Variants in ACYP2 observed in about 807,000 individuals in gnomAD.
The protein encoded by ACYP2 is acylphosphatase-2.
ACYP2 carries 12 observed loss-of-function variants against 11.2 expected under a neutral mutation model. That is an observed-to-expected ratio of 1.08 (90% confidence interval 0.69 to 1.74). The LOEUF (loss-of-function observed/expected upper bound fraction) is 1.74. Among genes scored for constraint, ACYP2 ranks in the 40% most tolerant of loss-of-function variants. The probability of loss-of-function intolerance (pLI) is 0.00; values close to 1 mark genes in which losing one functional copy is unlikely to be tolerated. For missense variants in ACYP2, 134 were observed against 101.9 expected, an observed-to-expected ratio of 1.31 and a Z score of -1.35; for synonymous variants, 43 against 32.2, an observed-to-expected ratio of 1.33 and a Z score of -1.13.
intron 6 of ACYP2, among the ~76,000 whole-genome samples, chr2:54,281,412 T>A (rs1034007090): frequency 1.3e-5 from 2 of 152,228 alleles, no homozygotes; most frequent in Non-Finnish European, 2.9e-5. Context: ...TACAGATGTC[T>A]CTGTCAGTAG....
chr2:54,219,869 G>GTATATAGA lies in ACYP2; in HGVS notation c.404+81122_404+81123insATATAGAT, dbSNP rs1170235862. The stretch of plus-strand genomic sequence containing the variant: ...TGTGTGTATATAGATGTGTGTGTGT[G>GTATATAGA]TGTGTGTGTGTGTATATATATATAT... On this transcript the variant is annotated intron_variant, in intron 6 of 6. Coordinates refer to ENST00000607452, the MANE Select transcript of ACYP2 (RefSeq NM_001320586.2). Among the ~76,000 whole-genome samples the GTATATAGA allele has an allele frequency of 7.4e-5, 4 of 54,048 alleles. No individual in the cohort carries two copies. In the South Asian group the frequency reaches 4.4e-3, roughly 60 times the overall value. 35.5% of individuals were successfully genotyped at this position (54,048 alleles called of 152,430 possible).
intron 2 of ACYP2, among the ~76,000 whole-genome samples, chr2:53,993,120 C>T (rs908466361): frequency 3.9e-5 from 6 of 152,094 alleles, no homozygotes; most frequent in Non-Finnish European, 4.4e-5. Context: ...GCACGAGAAT[C>T]GCTTGAACCC....
chr2:54,077,549 C>A (rs1677411311), intron 4 of ACYP2, among the ~76,000 whole-genome samples: 2 of 152,188 alleles, frequency 1.3e-5, no homozygotes, highest in Non-Finnish European at 2.9e-5. Context: ...AAGGGCAAGA[C>A]AGCCAGTACA....
Position 54,102,638 on chromosome 2 carries a change from C to CAAAAAAAAAAAAAAAAAAAAAAAAAA in ACYP2, c.278-32804_278-32779dup, listed in dbSNP as rs58842257. ...AAACCCAATTTAAGCTGGCTTAAGC[C>CAAAAAAAAAAAAAAAAAAAAAAAAAA]AAAAAAAAAAAAAAAAAAAAAAAAA... On this transcript the variant is annotated intron_variant, in intron 4 of 6. Coordinates refer to ENST00000607452, the MANE Select transcript of ACYP2 (RefSeq NM_001320586.2). 1.6e-4 allele frequency among the ~76,000 whole-genome samples: 13 copies of CAAAAAAAAAAAAAAAAAAAAAAAAAA among 83,304 alleles called. 4 individuals carry two copies. Among genetic ancestry groups the CAAAAAAAAAAAAAAAAAAAAAAAAAA allele is most frequent in the Non-Finnish European group, 2.8e-4 (12 of 43,296 alleles). 54.7% of individuals were successfully genotyped at this position (83,304 alleles called of 152,430 possible).
chr2:54,283,286 A>G (rs1287612932), intron 6 of ACYP2, among the ~76,000 whole-genome samples: 1 of 152,178 alleles, frequency 6.6e-6, no homozygotes, highest in Non-Finnish European at 1.5e-5. Context: ...ATTGTTACCA[A>G]GATCTTATAC....
chr2:54,158,770 C>T (rs933166487), intron 6 of ACYP2, among the ~76,000 whole-genome samples: 2 of 152,120 alleles, frequency 1.3e-5, no homozygotes, highest in African/African-American at 4.8e-5. Context: ...TTGCTCTCTT[C>T]TGTGCTTTTG....
Position 54,075,930 on chromosome 2 carries a change from CTTTT to C in ACYP2, c.277+18573_277+18576del, listed in dbSNP as rs1185364406. Among the ~76,000 whole-genome samples the C allele has an allele frequency of 2.0e-5, 3 of 152,048 alleles. No individual in the cohort carries two copies. The South Asian group carries it at 6.2e-4, about 32-fold the overall frequency. On this transcript the variant is annotated intron_variant, in intron 4 of 6. Transcript: ENST00000607452. ...ATATGTCACTCATATTGATATTTCT[CTTTT>C]TTATTAATCTTTATATTTTATGAGT...
intron 6 of ACYP2, among the ~76,000 whole-genome samples, chr2:54,204,210 G>C (rs575543829): frequency 6.6e-6 from 1 of 151,966 alleles, no homozygotes; most frequent in East Asian, 1.9e-4. Context: ...TATTGGCCAG[G>C]CTGGTCTCGA....
chr2:54,057,404 T>G (rs1676212163), intron 4 of ACYP2: 1 of 396,466 alleles, frequency 2.5e-6, no homozygotes, highest in Non-Finnish European at 4.5e-6. Flanking sequence ...ATATCTACCT[T>G]TTACAGTTCA....
chr2:54,304,598 A>T, intron 6 of ACYP2, 90 bp from the exon 4 acceptor site: 1 of 791,118 alleles, frequency 1.3e-6, no homozygotes, highest in Non-Finnish European at 2.0e-6. Context: ...AGTAAAGGTA[A>T]ACTCCCATTA....
chr2:54,175,814 A>G (rs1416637260), intron 6 of ACYP2, among the ~76,000 whole-genome samples: 1 of 152,048 alleles, frequency 6.6e-6, no homozygotes, highest in Non-Finnish European at 1.5e-5. Context: ...GGTCCCTACT[A>G]TGGTCTGAAT....
At chr2:54,012,326 C>T (rs1673419875) in intron 2 of ACYP2, among the ~76,000 whole-genome samples, 2 of 151,402 alleles carry the variant, frequency 1.3e-5, no homozygotes, top group South Asian at 4.2e-4. Flanking sequence ...AGAAACATAG[C>T]AAGACCTCGC....
At position 54,256,243 on chromosome 2, in the gene ACYP2, G is replaced by A. The variant is rs958962249; in HGVS notation, c.405-48445G>A. On this transcript the variant is annotated intron_variant, in intron 6 of 6. Transcript: ENST00000607452. Reference sequence around the variant, plus strand: ...ACACAAAATGGCGAGTAAACACCTCGCCCATTTGCGCCGCCCACTCTTCAG... The same window carrying A: ...ACACAAAATGGCGAGTAAACACCTCACCCATTTGCGCCGCCCACTCTTCAG... 4.8e-5 allele frequency: 67 copies of A among 1,410,238 alleles called. No individual in the cohort carries two copies. The African/African-American group carries it at 9.1e-4, about 19-fold the overall frequency. The allele number at this position is 1,410,238 out of a possible 1,614,324, so 87.4% of individuals were successfully genotyped here. A position where few individuals can be genotyped will look rare whatever the true frequency, so the allele number is the denominator to read the frequency against.
intron 6 of ACYP2, among the ~76,000 whole-genome samples, chr2:54,177,905 A>ATTTG (rs1426523968): frequency 4.8e-4 from 16 of 33,214 alleles, no homozygotes; most frequent in Non-Finnish European, 6.6e-4. Flanking sequence ...TTCTTTCTTT[A>ATTTG]TTTTTTTTTT....
chr2:54,150,452 G>A (rs947049178), intron 6 of ACYP2, among the ~76,000 whole-genome samples: 6 of 152,020 alleles, frequency 3.9e-5, no homozygotes, highest in African/African-American at 1.4e-4. Context: ...ACAGAGTTTC[G>A]CCTTGTGGCC....
At chr2:54,111,602 A>G (rs1025144723) in intron 4 of ACYP2, among the ~76,000 whole-genome samples, 7 of 152,246 alleles carry the variant, frequency 4.6e-5, no homozygotes, top group African/African-American at 1.7e-4. Flanking sequence ...TCTTCTGGGA[A>G]ACCAGCTACT....
intron 2 of ACYP2, among the ~76,000 whole-genome samples, chr2:53,988,073 C>G: frequency 6.6e-6 from 1 of 152,032 alleles, no homozygotes; most frequent in East Asian, 1.9e-4. Context: ...AGTGTGAGAT[C>G]TAAGAACTAG....
intron 4 of ACYP2, among the ~76,000 whole-genome samples, chr2:54,119,387 A>G (rs1405426596): frequency 6.6e-6 from 1 of 152,212 alleles, no homozygotes; most frequent in African/African-American, 2.4e-5. Context: ...AAGAAACAAT[A>G]AAATAAATAA....
rs996644861 is a variant in ACYP2, at chr2:54,121,246, G to A, written c.278-14207G>A. Among the ~76,000 whole-genome samples the A allele has an allele frequency of 8.5e-5, 13 of 152,290 alleles. No individual in the cohort carries two copies. In the East Asian group the frequency reaches 1.2e-3, roughly 14 times the overall value. ...GTGAGAGGGGGCCTGAAAGTGGATA[G>A]CCATCTGTAAGGCTGAGTCTGGGGT... On this transcript the variant is annotated intron_variant, in intron 4 of 6. Coordinates refer to ENST00000607452, the MANE Select transcript of ACYP2 (RefSeq NM_001320586.2).
Sources: allele counts gnomAD v4.1 joint callset (sites outside exome capture counted in the v4.1 genomes callset), GRCh38; gene constraint gnomAD v4.1.1; transcripts MANE v1.5; gene names NCBI Gene and HGNC (gene_info 2026-07-23, HGNC 2026-07-21).